Variants in ACTR6 observed in about 807,000 individuals in gnomAD.
ACTR6 encodes the protein actin related protein 6, also known as actin-related protein 6.
ACTR6 carries 50 observed loss-of-function variants against 52.5 expected under a neutral mutation model. The observed-to-expected ratio is 0.95, with a 90% confidence interval of 0.76 to 1.20. The LOEUF (loss-of-function observed/expected upper bound fraction) is 1.20, where lower values mean the gene tolerates loss of function less well. Among genes scored for constraint, ACTR6 ranks in the 50% most tolerant of loss-of-function variants. The pLI is 0.00. For missense variants in ACTR6, 344 were observed against 472.4 expected (o/e 0.73, Z 2.52); for synonymous variants, 135 against 147.2 (o/e 0.92, Z 0.60).
intron 2 of ACTR6, 125 bp downstream of exon 2, chr12:100,205,182 AAT>A (rs1342051738): frequency 3.4e-6 from 2 of 582,418 alleles, no homozygotes; most frequent in Non-Finnish European, 5.7e-6. Context: ...CCCAAATTAA[AAT>A]TTAATTGTTT....
Position 100,212,265 on chromosome 12 carries a change from T to C in ACTR6, c.582T>C (p.His194=). The change falls in exon 7 of 11, where the codon CAT becomes CAC. Residue 194 remains histidine (H), a synonymous_variant. Coordinates refer to ENST00000188312, the MANE Select transcript of ACTR6 (RefSeq NM_022496.5). ...CTTTTATTTCTGTTAGGCAGCTACA[T>C]GTTATGGATGAAACACATGTGATTA... ...LKEIISYRQL[H]VMDETHVINQ... 1.9e-6 allele frequency: 3 copies of C among 1,595,198 alleles called. No homozygotes were observed. Among genetic ancestry groups the C allele is most frequent in the Non-Finnish European group, 2.6e-6 (3 of 1,172,360 alleles).
intron 2 of ACTR6, 95 bp from the exon 3 acceptor site, chr12:100,205,581 A>G (rs2096113825): frequency 1.4e-6 from 1 of 734,104 alleles, no homozygotes; most frequent in African/African-American, 1.9e-5. Context: ...GTGATTTGGA[A>G]TCTGATTTTT....
At position 100,223,942 on chromosome 12, in the gene ACTR6, C is replaced by A. The variant is rs1217778941; in HGVS notation, c.*27C>A. On this transcript the variant is annotated 3_prime_UTR_variant, in exon 11 of 11. Coordinates refer to ENST00000188312, the MANE Select transcript of ACTR6 (RefSeq NM_022496.5). ...CAACATTTTTGAATGAAAGTTGTGACCATAAGGTTTAATTTCAAAGTTCCT... is the reference window on the plus strand; with the variant it reads ...CAACATTTTTGAATGAAAGTTGTGAACATAAGGTTTAATTTCAAAGTTCCT... The A allele has an allele frequency of 6.3e-7, 1 of 1,586,734 alleles. No individual in the cohort carries two copies. Among genetic ancestry groups the A allele is most frequent in the African/African-American group, 1.4e-5 (1 of 73,174 alleles).
At chr12:100,220,499 TTCTG>T (rs76979840) in intron 10 of ACTR6, among the ~76,000 whole-genome samples, 6,610 of 152,272 alleles carry the variant, frequency 0.043, 308 homozygotes, top group African/African-American at 0.12. Flanking sequence ...TATTGACAGT[TTCTG>T]TCAGGAATAG....
Position 100,223,823 on chromosome 12 carries a change from TCA to T in ACTR6, c.1100_1101del (p.Ser367Ter). On this transcript the variant is annotated frameshift_variant, in exon 11 of 11. Coordinates refer to ENST00000188312, the MANE Select transcript of ACTR6 (RefSeq NM_022496.5). LOFTEE classifies it high-confidence loss of function. ...TGCCTGGGAAGGTGGAAAATTGATATCAGAGAATGATGATTTTGAAGATATGG... is the reference window on the plus strand; with the variant it reads ...TGCCTGGGAAGGTGGAAAATTGATATGAGAATGATGATTTTGAAGATATGG... The part of the protein sequence containing the change: ...TYAWEGGKLI[S>X]ENDDFEDMVV... 2 of 1,610,926 alleles carry T rather than the reference TCA, an allele frequency of 1.2e-6. No homozygotes were observed. Among genetic ancestry groups the T allele is most frequent in the Non-Finnish European group, 1.7e-6 (2 of 1,178,866 alleles).
chr12:100,203,477 T>A (rs2096111631), intron 1 of ACTR6, among the ~76,000 whole-genome samples: 1 of 151,794 alleles, frequency 6.6e-6, no homozygotes, highest in Admixed American at 6.6e-5. Flanking sequence ...CTAATTTTTA[T>A]ATTTTTTAGT....
intron 2 of ACTR6, 102 bp downstream of exon 2, chr12:100,205,159 C>A: frequency 8.7e-5 from 51 of 586,424 alleles, no homozygotes; most frequent in East Asian, 2.2e-4. Flanking sequence ...ATTTTAACTA[C>A]AACCTAATTA....
At chr12:100,207,961 AT>A in intron 4 of ACTR6, 175 bp downstream of exon 4, 1 of 600,034 alleles carries the variant, frequency 1.7e-6, no homozygotes, top group Non-Finnish European at 2.9e-6. Flanking sequence ...AGGATTTGAG[AT>A]CAGCCTGGGC....
chr12:100,201,172 A>G, intron 1 of ACTR6: 1 of 975,934 alleles, frequency 1.0e-6, no homozygotes, highest in Non-Finnish European at 1.4e-6. Context: ...AGCCAAAGAA[A>G]ATAGGCTTAT....
intron 1 of ACTR6, among the ~76,000 whole-genome samples, chr12:100,202,512 A>G (rs1290547157): frequency 6.6e-6 from 1 of 152,080 alleles, no homozygotes; most frequent in South Asian, 2.1e-4. Flanking sequence ...TCCCAGTGTC[A>G]TCTCGTATAC....
chr12:100,213,940 A>G (rs1296205959), intron 8 of ACTR6, among the ~76,000 whole-genome samples: 2 of 152,234 alleles, frequency 1.3e-5, no homozygotes, highest in African/African-American at 4.8e-5. Flanking sequence ...GTACTTTAAA[A>G]TAATGAAAAA....
rs758004897 is a variant in ACTR6 at position 100,218,499 on chromosome 12, G to T, written c.835G>T (p.Glu279Ter). The T allele has an allele frequency of 1.9e-6, 3 of 1,606,502 alleles. No homozygotes were observed. The highest frequency in any genetic ancestry group is 2.6e-6 in the Non-Finnish European group (3 of 1,176,450). ...GGCCAATGAGAGATTTGCTGTTCCG[G>T]AAATACTCTTTAATCCTTCTGATAT... is the stretch of plus-strand genomic sequence containing the variant. ...RLANERFAVP[E>*]ILFNPSDIGI... is the part of the protein sequence containing the mutation. The change falls in exon 9 of 11, where the codon GAA (glutamate) becomes TAA (stop). Residue 279 changes from glutamate (E) to a stop codon, truncating the protein, a stop_gained. Coordinates refer to ENST00000188312, the MANE Select transcript of ACTR6 (RefSeq NM_022496.5). LOFTEE classifies it high-confidence loss of function. The surrounding 1 kb of genome is among the most constrained non-coding windows in gnomAD (Gnocchi z 4.2).
intron 1 of ACTR6, 157 bp downstream of exon 1, chr12:100,201,076 G>A: frequency 1.4e-6 from 2 of 1,470,356 alleles, no homozygotes; most frequent in Non-Finnish European, 9.0e-7. Context: ...TGATTGTGAT[G>A]CTTTGAATTG....
At chr12:100,210,408 A>G in intron 6 of ACTR6, 57 bp downstream of exon 6, 4 of 1,530,524 alleles carry the variant, frequency 2.6e-6, no homozygotes, top group Non-Finnish European at 3.6e-6. Flanking sequence ...AACCTTTTAC[A>G]GTAATTTAAG....
chr12:100,203,251 T>A (rs1296077177), intron 1 of ACTR6, among the ~76,000 whole-genome samples: 1 of 152,120 alleles, frequency 6.6e-6, no homozygotes, highest in Admixed American at 6.5e-5. Context: ...CGGTTGGGGA[T>A]CCCTGCCCTA....
intron 4 of ACTR6, among the ~76,000 whole-genome samples, chr12:100,208,298 G>A (rs2096116706): frequency 1.3e-5 from 2 of 149,210 alleles, no homozygotes; most frequent in Admixed American, 6.7e-5. Flanking sequence ...TTTTTTTTCC[G>A]AGATGGGGTT....
Position 100,220,136 on chromosome 12 carries a change from C to A in ACTR6, c.1051C>A (p.Leu351Met). The A allele has an allele frequency of 6.2e-7, 1 of 1,611,936 alleles. No individual in the cohort carries two copies. The highest frequency in any genetic ancestry group is 8.5e-7 in the Non-Finnish European group (1 of 1,178,750). Residue 351 changes from leucine (L) to methionine (M), a missense_variant, in exon 10 of 11, where the codon CTG becomes ATG. By Grantham distance (15) the Leu-to-Met change is conservative. Coordinates refer to ENST00000188312, the MANE Select transcript of ACTR6 (RefSeq NM_022496.5). The stretch of plus-strand genomic sequence containing the variant: ...AACAGATTATGATGTTTCTGTTGTG[C>A]TGCCTGAAAAGTAAGTGTTGTTTTA... ...TPTDYDVSVV[L>M]PENPITYAWE...
rs762988908 is a variant in ACTR6, at chr12:100,207,769, C to T, written c.362C>T (p.Ala121Val). The stretch of plus-strand genomic sequence containing the variant: ...CTATTTGAAGAATACCAGTTTCAAG[C>T]AGTATTAAGAGTAAATGGTGAGTTC... The part of the protein sequence containing the change: ...EILFEEYQFQ[A>V]VLRVNAGALS... Residue 121 changes from alanine to valine, a missense_variant, in exon 4 of 11, where the codon GCA (alanine) becomes GTA (valine). Ala to Val is a moderately conservative substitution (Grantham distance 64, BLOSUM62 0). Coordinates refer to ENST00000188312, the MANE Select transcript of ACTR6 (RefSeq NM_022496.5). 1 of 1,596,790 alleles carries T rather than the reference C, an allele frequency of 6.3e-7. No homozygotes were observed. Among genetic ancestry groups the T allele is most frequent in the South Asian group, 1.1e-5 (1 of 90,590 alleles).
At chr12:100,216,187 G>T (rs1015905381) in intron 8 of ACTR6, among the ~76,000 whole-genome samples, 1 of 152,180 alleles carries the variant, frequency 6.6e-6, no homozygotes. Flanking sequence ...ACGGAGTCTC[G>T]TTCTATAGCC....
Sources: gnomAD v4.1 joint callset for allele counts (sites outside exome capture counted in the v4.1 genomes callset) on GRCh38, gnomAD v4.1.1 for gene constraint, Gnocchi (gnomAD v3.1) non-coding constraint, MANE v1.5 for transcripts, NCBI Gene and HGNC (gene_info 2026-07-23, HGNC 2026-07-21) for gene names.